MTUS2: variants seen among roughly 807,000 people sequenced by gnomAD.
The protein encoded by MTUS2 is microtubule-associated tumor suppressor candidate 2.
A neutral mutation model predicts 114.1 loss-of-function variants in MTUS2; 40 were observed. The observed-to-expected ratio is 0.35, with a 90% CI of 0.27 to 0.46. The LOEUF (loss-of-function observed/expected upper bound fraction) is 0.46. Ranked by LOEUF, MTUS2 falls within the 20% of genes least tolerant of loss-of-function variation. The pLI is 1.00. For synonymous variants in MTUS2, 688 were observed against 672.0 expected (o/e 1.02, Z -0.37); for missense variants, 1,679 against 1,705.4 (o/e 0.98, Z 0.27).
intron 4 of MTUS2, among the ~76,000 whole-genome samples, chr13:29,062,510 G>A (rs375185564): frequency 4.7e-4 from 72 of 152,212 alleles, no homozygotes; most frequent in African/African-American, 1.6e-3. Flanking sequence ...GTGATGCTGT[G>A]CCCTGAAATT....
rs569894844 is a variant in MTUS2 at position 29,386,034 on chromosome 13, G to T, written c.3117+26561G>T. On this transcript the variant is annotated intron_variant, in intron 8 of 15. Coordinates refer to ENST00000612955, the MANE Select transcript of MTUS2 (RefSeq NM_001033602.4). ...GATAAAGGAGTTACCTACACAGAAT[G>T]CTCTGAATAAATGAATGAATGAATG... 2.0e-5 allele frequency among the ~76,000 whole-genome samples: 3 copies of T among 152,198 alleles called. No homozygotes were observed. The South Asian group carries it at 6.2e-4, about 32-fold the overall frequency.
chr13:29,005,206 C>T (rs952371331), intron 2 of MTUS2, among the ~76,000 whole-genome samples: 5 of 152,160 alleles, frequency 3.3e-5, no homozygotes, highest in African/African-American at 9.7e-5. Flanking sequence ...AGCAGAGCTC[C>T]TGTGGACAGT....
At chr13:29,478,771 T>C (rs1880916234) in intron 9 of MTUS2, among the ~76,000 whole-genome samples, 1 of 152,082 alleles carries the variant, frequency 6.6e-6, no homozygotes, top group Admixed American at 6.6e-5. Context: ...CTCCATTAAA[T>C]GATGGGATGT....
At position 29,498,447 on chromosome 13, in the gene MTUS2, A is replaced by G; in HGVS notation, c.3708A>G (p.Glu1236=). The change falls in exon 14 of 16, where the codon GAA becomes GAG. Residue 1236 remains glutamate (E), a synonymous_variant. Transcript: ENST00000612955. ...EIALAPYQHL[E]EDMKSLKQVL... is the part of the protein sequence containing the mutation. ...CATTGGCTCCTTATCAGCACTTGGA[A>G]GAAGACATGAAGAGTCTGAAGCAGG... 1.2e-6 allele frequency: 2 copies of G among 1,614,200 alleles called. No homozygotes were observed. Among genetic ancestry groups the G allele is most frequent in the South Asian group, 2.2e-5 (2 of 91,086 alleles).
rs1245146107 is a variant in MTUS2, at chr13:28,933,331, G to GTTCTGGAAACT, written c.-242-91126_-242-91125insTTCTGGAAACT. ...GCAGGCCAGGAAGGCTGGAAACTCAGGCAGGGTTTCTCTGTTGCAGTATTG... is the reference window on the plus strand; with the variant it reads ...GCAGGCCAGGAAGGCTGGAAACTCAGTTCTGGAAACTGCAGGGTTTCTCTGTTGCAGTATTG... On this transcript the variant is annotated intron_variant, in intron 2 of 15. Transcript: ENST00000612955. Among the ~76,000 whole-genome samples, 8 of 152,272 alleles carry GTTCTGGAAACT rather than the reference G, an allele frequency of 5.3e-5. No homozygotes were observed. In the East Asian group the frequency reaches 1.5e-3, roughly 29 times the overall value.
chr13:29,390,831 G>A lies in MTUS2; in HGVS notation c.3117+31358G>A, dbSNP rs189312941. Among the ~76,000 whole-genome samples the A allele has an allele frequency of 2.9e-3, 446 of 151,440 alleles. 8 individuals are homozygous for A. Among genetic ancestry groups the A allele is most frequent in the Admixed American group, 0.026 (395 of 15,242 alleles). On this transcript the variant is annotated intron_variant, in intron 8 of 15. Transcript: ENST00000612955. ...GTAGTGTCGCTCTGTCACCCAGGCT[G>A]GAGTGCAGTGGCACGACCTTGGCTC...
chr13:29,315,816 G>T (rs1198146144), intron 6 of MTUS2, among the ~76,000 whole-genome samples: 4 of 152,196 alleles, frequency 2.6e-5, no homozygotes, highest in African/African-American at 9.6e-5. Context: ...AGGGATTATA[G>T]TCTGAGTTGT....
chr13:29,083,424 C>G (rs953597782), intron 4 of MTUS2, among the ~76,000 whole-genome samples: 2 of 152,258 alleles, frequency 1.3e-5, no homozygotes, highest in Admixed American at 6.5e-5. Flanking sequence ...GGGTGGCCAC[C>G]AGCTAAAGAT....
At chr13:28,851,171 T>C (rs979459121) in intron 2 of MTUS2, among the ~76,000 whole-genome samples, 2 of 152,208 alleles carry the variant, frequency 1.3e-5, no homozygotes, top group Non-Finnish European at 2.9e-5. Context: ...CCTTTACTTA[T>C]GTTGGTATAG....
chr13:28,985,084 C>T (rs1290110519), intron 2 of MTUS2, among the ~76,000 whole-genome samples: 1 of 152,148 alleles, frequency 6.6e-6, no homozygotes, highest in Non-Finnish European at 1.5e-5. Context: ...GGAGAAGATT[C>T]CAAAGAGCTG....
intron 8 of MTUS2, among the ~76,000 whole-genome samples, chr13:29,368,273 C>T (rs973162211): frequency 3.3e-5 from 5 of 151,890 alleles, no homozygotes; most frequent in Admixed American, 6.6e-5. Context: ...TCACCTGTCC[C>T]ACCCCCTGGG....
At chr13:29,175,629 C>T (rs1312494079) in intron 5 of MTUS2, among the ~76,000 whole-genome samples, 2 of 152,162 alleles carry the variant, frequency 1.3e-5, no homozygotes, top group African/African-American at 4.8e-5. Context: ...GATTGCTGAA[C>T]ATATTGATCT....
At chr13:28,863,564 C>T (rs1877122168) in intron 2 of MTUS2, among the ~76,000 whole-genome samples, 1 of 152,140 alleles carries the variant, frequency 6.6e-6, no homozygotes, top group Non-Finnish European at 1.5e-5. Context: ...CTAGGTTTGC[C>T]TGGAGGAGGC....
chr13:29,245,246 G>C (rs1259525264), intron 5 of MTUS2, among the ~76,000 whole-genome samples: 1 of 152,130 alleles, frequency 6.6e-6, no homozygotes, highest in Non-Finnish European at 1.5e-5. Flanking sequence ...ATAATTCATG[G>C]TTTTTGTTGG....
chr13:28,832,740 A>G (rs1432634299), intron 1 of MTUS2, among the ~76,000 whole-genome samples: 1 of 142,106 alleles, frequency 7.0e-6, no homozygotes, highest in African/African-American at 2.6e-5. Flanking sequence ...AAGGACTAGA[A>G]CAGAAGTAAA....
In MTUS2 at chr13:29,024,604, C is replaced by G. The variant is rs1236463102; in HGVS notation, c.-95C>G. On this transcript the variant is annotated 5_prime_UTR_variant, in exon 3 of 16. Transcript: ENST00000612955. ...GACATTGTCAGGGGAGAACAAGCAG[C>G]TTGAGAATTTCCTCTTAATCTGATT... 1 of 1,455,716 alleles carries G rather than the reference C, an allele frequency of 6.9e-7. No homozygotes were observed. Among genetic ancestry groups the G allele is most frequent in the Non-Finnish European group, 9.3e-7 (1 of 1,070,344 alleles). The allele number at this position is 1,455,716 out of a possible 1,614,324, so 90.2% of individuals were successfully genotyped here.
At chr13:29,161,702 T>A (rs1893104129) in intron 5 of MTUS2, among the ~76,000 whole-genome samples, 1 of 152,246 alleles carries the variant, frequency 6.6e-6, no homozygotes, top group African/African-American at 2.4e-5. Context: ...ATCTCCACAG[T>A]CTTACCAAAA....
chr13:29,067,363 G>A (rs1005866666), intron 4 of MTUS2, among the ~76,000 whole-genome samples: 1 of 152,228 alleles, frequency 6.6e-6, no homozygotes, highest in South Asian at 2.1e-4. Context: ...GGAGACACCA[G>A]GAAAATGTAG....
intron 2 of MTUS2, among the ~76,000 whole-genome samples, chr13:28,985,373 T>G (rs1434565154): frequency 6.6e-6 from 1 of 152,218 alleles, no homozygotes; most frequent in Non-Finnish European, 1.5e-5. Flanking sequence ...AATGGGATAC[T>G]GTACTGAAAG....
Sources: gnomAD v4.1 joint callset for allele counts (sites outside exome capture counted in the v4.1 genomes callset) on GRCh38, gnomAD v4.1.1 for gene constraint, MANE v1.5 for transcripts, NCBI Gene and HGNC (gene_info 2026-07-23, HGNC 2026-07-21) for gene names.